The following RBPMS variants were observed in gnomAD, a reference collection of about 807,000 sequenced individuals.
RBPMS encodes RNA binding protein, mRNA processing factor.
Under a neutral mutation model 26.8 loss-of-function variants are expected in RBPMS, and 7 were observed. That is an observed-to-expected ratio of 0.26 (90% CI 0.15 to 0.49). The LOEUF is 0.49. Among genes scored for constraint, RBPMS ranks in the 20% least tolerant of loss-of-function variants. RBPMS has a pLI of 0.98. For missense variants in RBPMS, 186 were observed against 250.0 expected (o/e 0.74, Z 1.73); for synonymous variants, 96 against 93.3 (o/e 1.03, Z -0.17).
chr8:30,564,845 G>C (rs897422746), intron 7 of RBPMS: 1 of 150,364 alleles, frequency 6.7e-6, no homozygotes, highest in African/African-American at 2.5e-5. Flanking sequence ...AGGTAAACCC[G>C]GGGGTGCAGA....
chr8:30,505,552 T>TA (rs928577950), intron 5 of RBPMS, among the ~76,000 whole-genome samples: 1 of 152,118 alleles, frequency 6.6e-6, no homozygotes, highest in Non-Finnish European at 1.5e-5. Context: ...CATAATAGAT[T>TA]AAAAAAAATT....
chr8:30,389,603 C>T (rs1454848141), intron 1 of RBPMS, among the ~76,000 whole-genome samples: 1 of 151,986 alleles, frequency 6.6e-6, no homozygotes, highest in Non-Finnish European at 1.5e-5. Context: ...GAAATTTACC[C>T]TAAGAAAACG....
chr8:30,556,581 AG>A (rs2151078501), intron 6 of RBPMS: 1 of 986,242 alleles, frequency 1.0e-6, no homozygotes, highest in African/African-American at 1.7e-5. Context: ...ACCCACACCC[AG>A]GCCGCACCAG....
chr8:30,540,561 A>G (rs1347123523), intron 5 of RBPMS, among the ~76,000 whole-genome samples: 1 of 152,076 alleles, frequency 6.6e-6, no homozygotes, highest in Non-Finnish European at 1.5e-5. Flanking sequence ...GAGTAGTTGG[A>G]ACTAAAGGCA....
chr8:30,550,817 G>A (rs529402330), intron 6 of RBPMS, among the ~76,000 whole-genome samples: 4 of 152,316 alleles, frequency 2.6e-5, no homozygotes, highest in Admixed American at 6.5e-5. Context: ...AAATACATCC[G>A]GGGTGGAGGG....
chr8:30,534,546 G>T (rs1462751628), intron 5 of RBPMS, among the ~76,000 whole-genome samples: 4 of 152,254 alleles, frequency 2.6e-5, no homozygotes, highest in Non-Finnish European at 5.9e-5. Flanking sequence ...GGAACCAGAA[G>T]AACGGGGGTG....
At chr8:30,456,355 T>G (rs1331166112) in intron 1 of RBPMS, among the ~76,000 whole-genome samples, 4 of 150,404 alleles carry the variant, frequency 2.7e-5, no homozygotes, top group Non-Finnish European at 5.9e-5. Context: ...TAAGCGCTGC[T>G]TACACTCTGA....
chr8:30,533,508 G>A (rs753437543), intron 5 of RBPMS, among the ~76,000 whole-genome samples: 47 of 152,134 alleles, frequency 3.1e-4, no homozygotes, highest in Non-Finnish European at 5.7e-4. Flanking sequence ...TGGGTCCATG[G>A]GTGGCTTTGC....
chr8:30,442,788 A>C (rs1430816388), intron 1 of RBPMS: 1 of 152,030 alleles, frequency 6.6e-6, no homozygotes, highest in Non-Finnish European at 1.5e-5. Context: ...GTGCGAGGGC[A>C]CCGAGAGCCA....
chr8:30,509,182 T>G (rs1343338090), intron 5 of RBPMS, among the ~76,000 whole-genome samples: 1 of 152,216 alleles, frequency 6.6e-6, no homozygotes, highest in African/African-American at 2.4e-5. Context: ...ATCAAGGAAT[T>G]TTTAAAGTTA....
intron 1 of RBPMS, among the ~76,000 whole-genome samples, chr8:30,433,339 G>A (rs534581050): frequency 6.6e-6 from 1 of 152,262 alleles, no homozygotes; most frequent in Admixed American, 6.5e-5. Context: ...CATTCCCTAT[G>A]TTTAGATTTT....
chr8:30,412,484 C>A (rs1809564362), intron 1 of RBPMS, among the ~76,000 whole-genome samples: 1 of 151,732 alleles, frequency 6.6e-6, no homozygotes, highest in African/African-American at 2.4e-5. Context: ...GTCAGTCTCG[C>A]ACGTACTTTC....
chr8:30,547,867 G>A (rs1169102229), intron 6 of RBPMS, among the ~76,000 whole-genome samples: 1 of 152,228 alleles, frequency 6.6e-6, no homozygotes, highest in South Asian at 2.1e-4. Context: ...CAGGAAGGAA[G>A]ACCAGGAGAC....
chr8:30,488,139 C>T (rs563084466), intron 4 of RBPMS, among the ~76,000 whole-genome samples: 2 of 152,122 alleles, frequency 1.3e-5, no homozygotes, highest in South Asian at 4.2e-4. Flanking sequence ...CACAAGACAT[C>T]AGTCATATGT....
At chr8:30,565,126 T>C (rs1020313755) in intron 7 of RBPMS, 1 of 152,220 alleles carries the variant, frequency 6.6e-6, no homozygotes, top group Admixed American at 6.5e-5. Context: ...ATGATTATTT[T>C]CCTGTTCTCA....
chr8:30,560,958 G>A (rs1827419639), intron 7 of RBPMS, among the ~76,000 whole-genome samples: 1 of 152,182 alleles, frequency 6.6e-6, no homozygotes. Context: ...CCCAGACAAT[G>A]TAGTAGCTTT....
At chr8:30,517,694 T>C (rs925580741) in intron 5 of RBPMS, among the ~76,000 whole-genome samples, 1 of 152,190 alleles carries the variant, frequency 6.6e-6, no homozygotes, top group Non-Finnish European at 1.5e-5. Flanking sequence ...GAAACAGGCC[T>C]GTAAGGAGCT....
At chr8:30,448,753 A>G (rs1164941727) in intron 1 of RBPMS, among the ~76,000 whole-genome samples, 1 of 152,204 alleles carries the variant, frequency 6.6e-6, no homozygotes, top group African/African-American at 2.4e-5. Context: ...TTCCTTATCT[A>G]TAAAGTGGCG....
intron 1 of RBPMS, among the ~76,000 whole-genome samples, chr8:30,422,704 A>C (rs1176286785): frequency 6.6e-6 from 1 of 152,148 alleles, no homozygotes; most frequent in Non-Finnish European, 1.5e-5. Flanking sequence ...TAGATACCTG[A>C]GTGTGGATTT....
Sources: allele counts gnomAD v4.1 joint callset (sites outside exome capture counted in the v4.1 genomes callset), GRCh38; gene constraint gnomAD v4.1.1; transcripts MANE v1.5; gene names NCBI Gene and HGNC (gene_info 2026-07-23, HGNC 2026-07-21).